The following PTBP2 variants were observed in gnomAD, a reference collection of about 807,000 sequenced individuals.
The protein encoded by PTBP2 is polypyrimidine tract binding protein 2.
PTBP2 carries 13 observed loss-of-function variants against 61.4 expected under a neutral mutation model. The observed-to-expected ratio is 0.21, with a 90% confidence interval of 0.14 to 0.34. PTBP2 has a LOEUF of 0.34. Among genes scored for constraint, PTBP2 ranks in the 10% least tolerant of loss-of-function variants. The pLI, the probability that PTBP2 is intolerant of heterozygous loss-of-function variation, is 1.00. For synonymous variants in PTBP2, 215 were observed against 218.5 expected, an observed-to-expected ratio of 0.98 and a Z score of 0.14; for missense variants, 405 against 642.6, an observed-to-expected ratio of 0.63 and a Z score of 4.00.
chr1:96,817,572 A>T (rs1034653034), downstream of PTBP2: 2 of 152,126 alleles, frequency 1.3e-5, no homozygotes, highest in African/African-American at 4.8e-5. Context: ...ATAAAACCGT[A>T]ATGAACACCT....
chr1:96,732,827 C>T (rs966464334), intron 2 of PTBP2, among the ~76,000 whole-genome samples: 1 of 151,982 alleles, frequency 6.6e-6, no homozygotes, highest in Non-Finnish European at 1.5e-5. Context: ...AGCCATTGAT[C>T]AGTGAGTTGA....
chr1:96,800,697 G>A (rs750427816), intron 8 of PTBP2, among the ~76,000 whole-genome samples: 5 of 152,140 alleles, frequency 3.3e-5, no homozygotes, highest in Non-Finnish European at 7.4e-5. Context: ...TCATGCCACT[G>A]CACTCTAGCC....
intron 3 of PTBP2, among the ~76,000 whole-genome samples, chr1:96,754,642 A>G (rs1386782928): frequency 6.6e-6 from 1 of 152,208 alleles, no homozygotes; most frequent in African/African-American, 2.4e-5. Context: ...AAATAGCATC[A>G]TAATAACATA....
Position 96,785,214 on chromosome 1 carries a change from A to T in PTBP2, c.864A>T (p.Pro288=), listed in dbSNP as rs761387734. 1.2e-6 allele frequency: 2 copies of T among 1,602,380 alleles called. No individual in the cohort carries two copies. Among genetic ancestry groups the T allele is most frequent in the Admixed American group, 3.5e-5 (2 of 57,382 alleles). Residue 288 remains proline (P), a synonymous_variant, in exon 8 of 14, where the codon CCA becomes CCT. Coordinates refer to ENST00000674951, the MANE Select transcript of PTBP2 (RefSeq NM_021190.4). Reference sequence around the variant, plus strand: ...GGGATGGACAACCTGCATTGGACCCAGCTATTGCTGCAGCATTTGCCAAGG... The same window carrying T: ...GGGATGGACAACCTGCATTGGACCCTGCTATTGCTGCAGCATTTGCCAAGG... ...PSGDGQPALD[P]AIAAAFAKET... is the part of the protein sequence containing the mutation.
At chr1:96,746,388 TC>T (rs1473360213) in intron 2 of PTBP2, among the ~76,000 whole-genome samples, 1 of 152,180 alleles carries the variant, frequency 6.6e-6, no homozygotes, top group Admixed American at 6.5e-5. Context: ...TCTCTGGTCT[TC>T]CTTTGTCTTA....
At chr1:96,737,284 T>C (rs1652355340) in intron 2 of PTBP2, among the ~76,000 whole-genome samples, 1 of 152,126 alleles carries the variant, frequency 6.6e-6, no homozygotes, top group Admixed American at 6.5e-5. Flanking sequence ...CTTTTTACTT[T>C]TAAAAATGTG....
intron 2 of PTBP2, among the ~76,000 whole-genome samples, chr1:96,740,486 C>G (rs891657033): frequency 3.3e-5 from 5 of 152,054 alleles, no homozygotes; most frequent in Admixed American, 2.6e-4. Flanking sequence ...TCCTAAAGGC[C>G]CTGTTTCAAA....
chr1:96,770,643 GA>G (rs1290029250), intron 4 of PTBP2, 64 bp from the exon 5 acceptor site: 1 of 1,302,922 alleles, frequency 7.7e-7, no homozygotes, highest in Non-Finnish European at 1.1e-6. Flanking sequence ...CATCTGAATA[GA>G]TTGCTTAGAT....
downstream of PTBP2, chr1:96,816,350 G>T (rs556844555): frequency 3.3e-5 from 5 of 152,082 alleles, no homozygotes; most frequent in Non-Finnish European, 4.4e-5. Flanking sequence ...CAGCTTTGTC[G>T]TATATTAGTA....
At chr1:96,796,468 C>T (rs530064394) in intron 8 of PTBP2, among the ~76,000 whole-genome samples, 220 of 152,108 alleles carry the variant, frequency 1.4e-3, no homozygotes, top group Middle Eastern at 3.4e-3. Flanking sequence ...GAATTCTGAT[C>T]TAAAAATTAT....
At chr1:96,762,899 C>T (rs571337517) in intron 3 of PTBP2, among the ~76,000 whole-genome samples, 146 of 148,592 alleles carry the variant, frequency 9.8e-4, no homozygotes, top group South Asian at 1.3e-3. Flanking sequence ...ACCTCCCAGA[C>T]GGGGTCGCGG....
At chr1:96,789,545 T>A (rs1408065048) in intron 8 of PTBP2, among the ~76,000 whole-genome samples, 1 of 152,138 alleles carries the variant, frequency 6.6e-6, no homozygotes, top group African/African-American at 2.4e-5. Flanking sequence ...TCTATTTTGG[T>A]ACAGTTCTCC....
intron 2 of PTBP2, among the ~76,000 whole-genome samples, chr1:96,734,025 A>G (rs559656722): frequency 6.6e-6 from 1 of 152,320 alleles, no homozygotes; most frequent in South Asian, 2.1e-4. Flanking sequence ...TTCTAGGCAT[A>G]CTACATTAGG....
intron 5 of PTBP2, chr1:96,771,132 A>T (rs763855496): frequency 3.5e-4 from 67 of 193,642 alleles, no homozygotes; most frequent in Non-Finnish European, 5.6e-4. Context: ...TGTTTATACA[A>T]CTCTCCTGCT....
chr1:96,802,712 G>C (rs1384252992), intron 8 of PTBP2, among the ~76,000 whole-genome samples: 1 of 152,034 alleles, frequency 6.6e-6, no homozygotes, highest in East Asian at 1.9e-4. Flanking sequence ...TTTTTTGTTT[G>C]TTTGCCATCA....
rs145145824 is a variant in PTBP2 at position 96,767,821 on chromosome 1, G to A, written c.116-1882G>A. The stretch of plus-strand genomic sequence containing the variant: ...CCTGTGCGCACACAAATCTTTGTCA[G>A]TAGTGAAAGGACATGTGATAGCTTC... On this transcript the variant is annotated intron_variant, in intron 3 of 13. Transcript: ENST00000674951. 1.2e-3 allele frequency among the ~76,000 whole-genome samples: 181 copies of A among 152,196 alleles called. No individual in the cohort carries two copies. In the Middle Eastern group the frequency reaches 0.014, roughly 11 times the overall value.
intron 8 of PTBP2, among the ~76,000 whole-genome samples, chr1:96,802,160 G>C (rs1236766268): frequency 7.5e-6 from 1 of 133,572 alleles, no homozygotes; most frequent in Non-Finnish European, 1.5e-5. Context: ...GCAGTGAGCC[G>C]AGATCACGCC....
intron 3 of PTBP2, among the ~76,000 whole-genome samples, chr1:96,769,303 T>C (rs968008272): frequency 1.3e-5 from 2 of 152,006 alleles, no homozygotes; most frequent in African/African-American, 4.8e-5. Context: ...AATAAAAATA[T>C]GGTATTATAA....
intron 3 of PTBP2, among the ~76,000 whole-genome samples, chr1:96,769,394 T>G (rs771596605): frequency 5.9e-5 from 9 of 152,048 alleles, no homozygotes; most frequent in Non-Finnish European, 8.8e-5. Flanking sequence ...ATTGTATTCT[T>G]TAGTCATTGG....
Sources: gnomAD v4.1 joint callset for allele counts (sites outside exome capture counted in the v4.1 genomes callset) on GRCh38, gnomAD v4.1.1 for gene constraint, MANE v1.5 for transcripts, NCBI Gene and HGNC (gene_info 2026-07-23, HGNC 2026-07-21) for gene names.